Variants in SCHIP1 observed in about 807,000 individuals in gnomAD.
The protein encoded by SCHIP1 is schwannomin interacting protein 1.
SCHIP1 carries 8 observed loss-of-function variants against 29.7 expected under a neutral mutation model. The ratio of observed to expected loss-of-function variants is 0.27; its 90% CI spans 0.16 to 0.49. The LOEUF is 0.49. Ranked by LOEUF, SCHIP1 falls within the 20% of genes least tolerant of loss-of-function variation. The pLI is 0.99. For missense variants in SCHIP1, 193 were observed against 294.6 expected, an observed-to-expected ratio of 0.66 and a Z score of 2.52; for synonymous variants, 76 against 94.9, an observed-to-expected ratio of 0.80 and a Z score of 1.16.
the SCHIP1 span, among the ~76,000 whole-genome samples, chr3:159,293,592 ATCTG>A: frequency 6.6e-5 from 10 of 152,216 alleles, no homozygotes; most frequent in African/African-American, 2.2e-4. Context: ...CCAAGTAGCA[ATCTG>A]TCAGGAAGAA....
the SCHIP1 span, among the ~76,000 whole-genome samples, chr3:159,542,093 G>A: frequency 6.6e-6 from 1 of 152,024 alleles, no homozygotes; most frequent in Non-Finnish European, 1.5e-5. Context: ...TGAAAACACG[G>A]TGTATCAAAG....
At chr3:159,757,383 G>C in the SCHIP1 span, among the ~76,000 whole-genome samples, 2 of 152,132 alleles carry the variant, frequency 1.3e-5, no homozygotes, top group South Asian at 2.1e-4. Context: ...ACTATCACCA[G>C]AATAGCACAG....
the SCHIP1 span, among the ~76,000 whole-genome samples, chr3:159,429,173 T>C: frequency 6.7e-6 from 1 of 148,564 alleles, no homozygotes; most frequent in Non-Finnish European, 1.5e-5. Context: ...TGTGCACATG[T>C]ACCCTAAAAC....
At chr3:159,425,049 C>T in the SCHIP1 span, among the ~76,000 whole-genome samples, 1 of 151,670 alleles carries the variant, frequency 6.6e-6, no homozygotes, top group Admixed American at 6.6e-5. Flanking sequence ...AAGCACTAAA[C>T]ATGGAAAGGA....
the SCHIP1 span, among the ~76,000 whole-genome samples, chr3:159,653,523 T>C: frequency 9.6e-5 from 12 of 125,356 alleles, no homozygotes; most frequent in South Asian, 2.9e-3. Flanking sequence ...CACTTATAAG[T>C]GGGAGTTGAA....
chr3:159,392,069 T>C, the SCHIP1 span, among the ~76,000 whole-genome samples: 3 of 152,320 alleles, frequency 2.0e-5, no homozygotes, highest in Admixed American at 1.3e-4. Flanking sequence ...AAAAGACTTT[T>C]TGGTGTTTGT....
chr3:159,873,694 C>T (rs1300685012), intron 2 of SCHIP1, among the ~76,000 whole-genome samples: 1 of 152,144 alleles, frequency 6.6e-6, no homozygotes, highest in Non-Finnish European at 1.5e-5. Flanking sequence ...ATTTGCTAAT[C>T]CACACATTAT....
chr3:159,374,819 G>A, the SCHIP1 span, among the ~76,000 whole-genome samples: 5 of 152,110 alleles, frequency 3.3e-5, no homozygotes, highest in Non-Finnish European at 7.3e-5. Flanking sequence ...ATAGAAATAA[G>A]CAGTCCAGTC....
the SCHIP1 span, among the ~76,000 whole-genome samples, chr3:159,402,978 C>T: frequency 6.6e-6 from 1 of 152,118 alleles, no homozygotes; most frequent in East Asian, 1.9e-4. Flanking sequence ...CCCGTAAGTT[C>T]TAAGTACTTA....
At chr3:159,648,288 G>C in the SCHIP1 span, among the ~76,000 whole-genome samples, 1 of 152,132 alleles carries the variant, frequency 6.6e-6, no homozygotes, top group Non-Finnish European at 1.5e-5. Flanking sequence ...CTGACATTCA[G>C]GCAGGAAATA....
At chr3:159,886,245 A>G (rs781705513) in exon 3 of SCHIP1, 5 of 1,614,204 alleles carry the variant, frequency 3.1e-6, no homozygotes, top group Non-Finnish European at 2.5e-6. Flanking sequence ...TGCTTTGTCA[A>G]CGACAGTGGC....
the SCHIP1 span, among the ~76,000 whole-genome samples, chr3:159,626,159 TATCTAGATATATCTATCTATCTAGATAG>T: frequency 1.8e-4 from 20 of 114,126 alleles, no homozygotes; most frequent in African/African-American, 1.3e-3. Context: ...TATATATATA[TATCTAGATATATCTATCTATCTAGATAG>T]ATAGATAGAT....
At chr3:159,452,519 A>G in the SCHIP1 span, among the ~76,000 whole-genome samples, 2 of 152,142 alleles carry the variant, frequency 1.3e-5, no homozygotes, top group African/African-American at 4.8e-5. Flanking sequence ...CATGGTGTAT[A>G]TGTGCCATAT....
At chr3:159,345,030 C>T in the SCHIP1 span, among the ~76,000 whole-genome samples, 1 of 152,028 alleles carries the variant, frequency 6.6e-6, no homozygotes, top group Non-Finnish European at 1.5e-5. Context: ...GCATTCAAGA[C>T]CAGCCTGGCC....
At chr3:159,766,847 C>T in the SCHIP1 span, among the ~76,000 whole-genome samples, 1 of 152,168 alleles carries the variant, frequency 6.6e-6, no homozygotes, top group East Asian at 1.9e-4. Context: ...TGATGGCTTA[C>T]CTAGCACCAC....
the SCHIP1 span, among the ~76,000 whole-genome samples, chr3:159,669,942 C>T: frequency 3.9e-5 from 6 of 152,120 alleles, no homozygotes; most frequent in East Asian, 1.2e-3. Context: ...CAGGGAGCTG[C>T]GTGAGTCAGT....
At chr3:159,319,889 C>CT in the SCHIP1 span, among the ~76,000 whole-genome samples, 1 of 152,162 alleles carries the variant, frequency 6.6e-6, no homozygotes, top group African/African-American at 2.4e-5. Context: ...CAGATCTGCT[C>CT]TGTTGATATT....
At chr3:159,749,625 C>A in the SCHIP1 span, among the ~76,000 whole-genome samples, 1 of 152,312 alleles carries the variant, frequency 6.6e-6, no homozygotes, top group African/African-American at 2.4e-5. Flanking sequence ...GGTGCTTATT[C>A]TTGAAGGTTA....
At chr3:159,321,350 T>C in the SCHIP1 span, among the ~76,000 whole-genome samples, 2,490 of 152,302 alleles carry the variant, frequency 0.016, 58 homozygotes, top group African/African-American at 0.057. Flanking sequence ...CTTTCTGCAA[T>C]GACAAAATCT....
Sources: gnomAD v4.1 joint callset for allele counts (sites outside exome capture counted in the v4.1 genomes callset) on GRCh38, gnomAD v4.1.1 for gene constraint, MANE v1.5 for transcripts, NCBI Gene and HGNC (gene_info 2026-07-23, HGNC 2026-07-21) for gene names.